Variants in SPATA16 observed in about 807,000 individuals in gnomAD.
The protein encoded by SPATA16 is spermatogenesis associated 16, also known as spermatogenesis-associated protein 16.
SPATA16 carries 36 observed loss-of-function variants against 63.3 expected under a neutral mutation model. The observed-to-expected ratio is 0.57, with a 90% CI of 0.44 to 0.75. The LOEUF is 0.75. SPATA16 is among the 30% of genes least tolerant of loss of function. The pLI is 0.00. For missense variants in SPATA16, 646 were observed against 679.3 expected, an observed-to-expected ratio of 0.95 and a Z score of 0.54; for synonymous variants, 203 against 216.7, an observed-to-expected ratio of 0.94 and a Z score of 0.56.
chr3:173,059,969 A>C (rs1736339775), intron 2 of SPATA16, among the ~76,000 whole-genome samples: 1 of 151,534 alleles, frequency 6.6e-6, no homozygotes, highest in Non-Finnish European at 1.5e-5. Flanking sequence ...TAGAAAAAAC[A>C]GAGCTGGCTG....
intron 10 of SPATA16, among the ~76,000 whole-genome samples, chr3:172,908,153 A>G (rs1411119393): frequency 6.6e-6 from 1 of 152,208 alleles, no homozygotes; most frequent in Non-Finnish European, 1.5e-5. Context: ...TAAATGTGTG[A>G]TGAGTGCATA....
intron 9 of SPATA16, 125 bp downstream of exon 9, chr3:172,916,192 T>G: frequency 8.5e-7 from 1 of 1,174,338 alleles, no homozygotes; most frequent in Non-Finnish European, 1.2e-6. Context: ...TTCAAGAAGG[T>G]TTGGGAGTTT....
intron 3 of SPATA16, among the ~76,000 whole-genome samples, chr3:173,031,126 G>T (rs943945947): frequency 6.6e-6 from 1 of 151,976 alleles, no homozygotes; most frequent in African/African-American, 2.4e-5. Flanking sequence ...TTTTAGTTTT[G>T]CAAGATTGGA....
At chr3:173,081,356 T>C (rs1303522706) in intron 2 of SPATA16, among the ~76,000 whole-genome samples, 3 of 152,162 alleles carry the variant, frequency 2.0e-5, no homozygotes, top group African/African-American at 7.2e-5. Flanking sequence ...CAAGACTGGA[T>C]GGTGTGGGGA....
At chr3:173,064,144 A>G (rs1414801379) in intron 2 of SPATA16, among the ~76,000 whole-genome samples, 1 of 151,984 alleles carries the variant, frequency 6.6e-6, no homozygotes, top group Non-Finnish European at 1.5e-5. Context: ...TGTCTCTACT[A>G]AAAATACAAA....
chr3:173,075,671 C>G (rs1461258947), intron 2 of SPATA16, among the ~76,000 whole-genome samples: 5 of 151,972 alleles, frequency 3.3e-5, no homozygotes, highest in Admixed American at 3.3e-4. Flanking sequence ...AAGACAGGCA[C>G]AGAAAGACAA....
intron 10 of SPATA16, among the ~76,000 whole-genome samples, chr3:172,890,338 A>G (rs1438507514): frequency 6.8e-6 from 1 of 147,206 alleles, no homozygotes; most frequent in African/African-American, 2.4e-5. Context: ...CAGTTGATAG[A>G]ATGTAGTATA....
At chr3:173,057,240 T>A (rs1314223217) in intron 2 of SPATA16, among the ~76,000 whole-genome samples, 12 of 151,802 alleles carry the variant, frequency 7.9e-5, no homozygotes, top group Non-Finnish European at 1.5e-4. Flanking sequence ...GCCTCCTGAG[T>A]AGCTGGGACT....
chr3:172,949,231 C>CAATAAATAAATA (rs148318425), intron 6 of SPATA16, among the ~76,000 whole-genome samples: 5 of 151,538 alleles, frequency 3.3e-5, no homozygotes, highest in African/African-American at 1.2e-4. Context: ...CTACTAAAAG[C>CAATAAATAAATA]AATAAATAAA....
rs778861071 is a variant in SPATA16 at position 173,019,555 on chromosome 3, G to T, written c.779C>A (p.Ala260Asp). The T allele has an allele frequency of 5.0e-6, 8 of 1,613,796 alleles. No individual in the cohort carries two copies. In the East Asian group the frequency reaches 1.8e-4, roughly 36 times the overall value. Residue 260 changes from alanine to aspartate, a missense_variant, in exon 4 of 11, where the codon GCC becomes GAC. By Grantham distance (126) the Ala-to-Asp change is moderately radical (BLOSUM62 -2). Transcript: ENST00000351008. Reference sequence around the variant, plus strand: ...TTGACGAAGATGATTCCGGAAATAGGCTGGGTTTAAAACAATGCTCCTGTA... The same window carrying T: ...TTGACGAAGATGATTCCGGAAATAGTCTGGGTTTAAAACAATGCTCCTGTA... ...HAHRSIVLNPAYFRNHLRQAT... is the reference protein window; with the variant it reads ...HAHRSIVLNPDYFRNHLRQAT...
At position 173,117,861 on chromosome 3, in the gene SPATA16, G is replaced by A. The variant is rs1737951229; in HGVS notation, c.-18-112C>T. ...ATTTCATTCATTATTAGTATTTGTTGCCTTGTAAGTAAAACTGTATTTACA... is the reference window on the plus strand; with the variant it reads ...ATTTCATTCATTATTAGTATTTGTTACCTTGTAAGTAAAACTGTATTTACA... On this transcript the variant is annotated intron_variant, in intron 1 of 10. Transcript: ENST00000351008. 2.0e-6 allele frequency: 3 copies of A among 1,518,866 alleles called. No homozygotes were observed. The East Asian group carries it at 7.1e-5, about 36-fold the overall frequency. 94.1% of individuals were successfully genotyped at this position (1,518,866 alleles called of 1,614,324 possible).
chr3:173,122,698 A>G (rs761495272), intron 1 of SPATA16, among the ~76,000 whole-genome samples: 3 of 152,224 alleles, frequency 2.0e-5, no homozygotes, highest in African/African-American at 4.8e-5. Context: ...GTGCTAGGTC[A>G]TATGAGAGAA....
Position 173,117,579 on chromosome 3 carries a change from A to T in SPATA16, c.153T>A (p.Cys51Ter). The T allele has an allele frequency of 6.2e-7, 1 of 1,613,490 alleles. No individual in the cohort carries two copies. The highest frequency in any genetic ancestry group is 8.5e-7 in the Non-Finnish European group (1 of 1,179,764). Residue 51 changes from cysteine to a stop codon, truncating the protein, a stop_gained, in exon 2 of 11, where the codon TGT becomes TGA. Coordinates refer to ENST00000351008, the MANE Select transcript of SPATA16 (RefSeq NM_031955.6). LOFTEE classifies it high-confidence loss of function. ...GTGTGATTTCTACCTGTTTACCTCC[A>T]CAGTTTTTCTTAATCTCTTGTGACA... ...LEMSQEIKKN[C>*]GGKQVEITLE...
At chr3:172,957,171 C>T (rs939991578) in intron 5 of SPATA16, among the ~76,000 whole-genome samples, 5 of 152,078 alleles carry the variant, frequency 3.3e-5, no homozygotes, top group Non-Finnish European at 2.9e-5. Flanking sequence ...TACTCTTGAG[C>T]AGACATTGGT....
At chr3:173,106,696 T>A (rs753515680) in intron 2 of SPATA16, among the ~76,000 whole-genome samples, 7 of 152,160 alleles carry the variant, frequency 4.6e-5, no homozygotes, top group Non-Finnish European at 8.8e-5. Context: ...TGTCTTTCTC[T>A]GGCTTGCTCA....
intron 1 of SPATA16, among the ~76,000 whole-genome samples, chr3:173,134,692 A>G (rs920037534): frequency 1.3e-5 from 2 of 152,194 alleles, no homozygotes; most frequent in Non-Finnish European, 2.9e-5. Context: ...TATTTTTAAA[A>G]TAAATTACCC....
chr3:173,108,920 G>A (rs1737683276), intron 2 of SPATA16, among the ~76,000 whole-genome samples: 1 of 152,156 alleles, frequency 6.6e-6, no homozygotes, highest in African/African-American at 2.4e-5. Context: ...TGTAAGTGCA[G>A]TCTATTGTGT....
intron 1 of SPATA16, among the ~76,000 whole-genome samples, chr3:173,136,719 T>A (rs1738554903): frequency 6.6e-6 from 1 of 152,138 alleles, no homozygotes; most frequent in Non-Finnish European, 1.5e-5. Flanking sequence ...CAGTTGTTTG[T>A]TATATTAATT....
chr3:172,934,647 CAA>C (rs1732940360), intron 6 of SPATA16, among the ~76,000 whole-genome samples: 1 of 152,040 alleles, frequency 6.6e-6, no homozygotes, highest in African/African-American at 2.4e-5. Context: ...AATTTAAAAA[CAA>C]AGAATTATGT....
Sources: allele counts gnomAD v4.1 joint callset (sites outside exome capture counted in the v4.1 genomes callset), GRCh38; gene constraint gnomAD v4.1.1; transcripts MANE v1.5; gene names NCBI Gene and HGNC (gene_info 2026-07-23, HGNC 2026-07-21).